The following FGD6 variants were observed in gnomAD, a reference collection of about 807,000 sequenced individuals.
The protein encoded by FGD6 is FYVE, RhoGEF and PH domain-containing protein 6.
A neutral mutation model predicts 149.4 loss-of-function variants in FGD6; 90 were observed. The observed-to-expected ratio is 0.60, with a 90% CI of 0.51 to 0.72. The LOEUF (loss-of-function observed/expected upper bound fraction) is 0.72, where lower values mean the gene tolerates loss of function less well. Ranked by LOEUF, FGD6 falls within the 30% of genes least tolerant of loss-of-function variation. The pLI is 0.00. For synonymous variants in FGD6, 527 were observed against 584.0 expected (o/e 0.90, Z 1.41); for missense variants, 1,437 against 1,684.8 (o/e 0.85, Z 2.57).
intron 3 of FGD6, among the ~76,000 whole-genome samples, chr12:95,157,305 G>A (rs763314561): frequency 2.2e-4 from 33 of 152,116 alleles, no homozygotes; most frequent in Non-Finnish European, 4.3e-4. Flanking sequence ...GGTGGCTGAC[G>A]CCTGTAATCC....
At chr12:95,214,973 A>G (rs2056746801) in intron 1 of FGD6, among the ~76,000 whole-genome samples, 2 of 146,040 alleles carry the variant, frequency 1.4e-5, no homozygotes, top group South Asian at 4.2e-4. Flanking sequence ...AGCAATTTTC[A>G]TATCAGCCTC....
chr12:95,189,285 A>G (rs1308420871), intron 2 of FGD6: 4 of 152,192 alleles, frequency 2.6e-5, no homozygotes, highest in Admixed American at 1.3e-4. Flanking sequence ...GAGCACACAA[A>G]AAATGTTTTT....
At chr12:95,168,413 C>T (rs924268652) in intron 3 of FGD6, among the ~76,000 whole-genome samples, 5 of 152,138 alleles carry the variant, frequency 3.3e-5, no homozygotes, top group African/African-American at 4.8e-5. Flanking sequence ...CCTGTAATCC[C>T]GGCACTTTGG....
At chr12:95,116,300 A>G (rs1879010606) in intron 8 of FGD6, among the ~76,000 whole-genome samples, 1 of 152,186 alleles carries the variant, frequency 6.6e-6, no homozygotes, top group African/African-American at 2.4e-5. Flanking sequence ...TCAAACCCTA[A>G]GCTACCTCAT....
At chr12:95,083,982 T>C (rs912968452) in intron 20 of FGD6, among the ~76,000 whole-genome samples, 7 of 152,238 alleles carry the variant, frequency 4.6e-5, no homozygotes, top group African/African-American at 1.4e-4. Context: ...GTTTCAGCCT[T>C]TGCCATCTAA....
chr12:95,147,235 G>A (rs1282894891), intron 5 of FGD6, among the ~76,000 whole-genome samples: 1 of 152,076 alleles, frequency 6.6e-6, no homozygotes, highest in Admixed American at 6.6e-5. Context: ...TAAAAGTAGA[G>A]GTGGGAAAGT....
intron 15 of FGD6, 27 bp from the exon 16 acceptor site, chr12:95,092,872 A>G (rs1272468085): frequency 6.3e-7 from 1 of 1,583,294 alleles, no homozygotes; most frequent in Non-Finnish European, 8.6e-7. Flanking sequence ...ACTTCTGATT[A>G]TCTCCATGCA....
chr12:95,192,334 G>A (rs1232738109), intron 2 of FGD6, among the ~76,000 whole-genome samples: 4 of 152,162 alleles, frequency 2.6e-5, no homozygotes, highest in African/African-American at 4.8e-5. Flanking sequence ...TGCAACAGTA[G>A]AAGACCAAGG....
intron 8 of FGD6, among the ~76,000 whole-genome samples, chr12:95,123,357 T>C (rs2136249920): frequency 6.6e-6 from 1 of 152,194 alleles, no homozygotes. Context: ...AGCCCTGATC[T>C]ATCCTAGACT....
intron 8 of FGD6, among the ~76,000 whole-genome samples, chr12:95,123,812 T>C (rs1439347788): frequency 6.6e-6 from 1 of 152,182 alleles, no homozygotes; most frequent in Non-Finnish European, 1.5e-5. Context: ...TCCACCCGCC[T>C]CGGCCTCCCA....
rs1877672969 is a variant in FGD6, at chr12:95,081,576, G to A, written c.4257-20C>T. ...ATCCACCTATTGATAAGAGAAATCG[G>A]TTAGATTTGTAAAACCTAATCATCT... On this transcript the variant is annotated intron_variant, in intron 20 of 20. Transcript: ENST00000343958. 1 of 1,588,732 alleles carries A rather than the reference G, an allele frequency of 6.3e-7. No homozygotes were observed. The highest frequency in any genetic ancestry group is 8.6e-7 in the Non-Finnish European group (1 of 1,164,866).
intron 2 of FGD6, 117 bp downstream of exon 2, chr12:95,208,726 T>C: frequency 8.1e-7 from 1 of 1,241,490 alleles, no homozygotes; most frequent in Admixed American, 2.8e-5. Flanking sequence ...TAATTACACA[T>C]TTTCTAAACT....
rs1565908836 is a variant in FGD6, at chr12:95,149,200, TA to T, written c.2685+3610del. Among the ~76,000 whole-genome samples, 2 of 3,808 alleles carry T rather than the reference TA, an allele frequency of 5.3e-4. 1 individual carries two copies. Among genetic ancestry groups the T allele is most frequent in the Non-Finnish European group, 6.4e-4 (2 of 3,120 alleles). The allele number at this position is 3,808 out of a possible 152,430, so 2.5% of individuals were successfully genotyped here. A position where few individuals can be genotyped will look rare whatever the true frequency, so the allele number is the denominator to read the frequency against. ...TATATTATATAATATATAGCATATATAATATTATATATTATATAATATATAG... is the reference window on the plus strand; with the variant it reads ...TATATTATATAATATATAGCATATATATATTATATATTATATAATATATAG... On this transcript the variant is annotated intron_variant, in intron 5 of 20. Coordinates refer to ENST00000343958, the MANE Select transcript of FGD6 (RefSeq NM_018351.4).
At chr12:95,116,568 T>C (rs1879020990) in intron 8 of FGD6, among the ~76,000 whole-genome samples, 1 of 152,198 alleles carries the variant, frequency 6.6e-6, no homozygotes, top group African/African-American at 2.4e-5. Context: ...TGCATTTTCT[T>C]TGCTTGTACT....
intron 17 of FGD6, among the ~76,000 whole-genome samples, 168 bp downstream of exon 17, chr12:95,091,539 C>G (rs1230560194): frequency 1.3e-5 from 2 of 152,188 alleles, no homozygotes; most frequent in African/African-American, 4.8e-5. Context: ...TCAGCCCAAC[C>G]TCTCCCAGAA....
intron 3 of FGD6, among the ~76,000 whole-genome samples, chr12:95,163,381 T>C (rs1880703158): frequency 6.6e-6 from 1 of 152,170 alleles, no homozygotes; most frequent in Admixed American, 6.5e-5. Flanking sequence ...TCCCTTGACA[T>C]TCTTTCCCTC....
At chr12:95,158,328 CG>C (rs1460158066) in intron 3 of FGD6, among the ~76,000 whole-genome samples, 51 of 150,578 alleles carry the variant, frequency 3.4e-4, no homozygotes, top group Non-Finnish European at 2.1e-4. Context: ...CCACCATGCA[CG>C]GCTAATTTTT....
chr12:95,133,065 TA>T (rs969897919), intron 8 of FGD6, among the ~76,000 whole-genome samples: 7 of 152,210 alleles, frequency 4.6e-5, no homozygotes. Context: ...ATCCTTAAAT[TA>T]TTCAGTTGGC....
Position 95,079,971 on chromosome 12 carries a change from G to A in FGD6, c.*1549C>T, listed in dbSNP as rs1173612713. ...ATTTTTTTTTTTTTTTTTTTTTTGA[G>A]ATGGAGTCTCGCTCTGTCATCCCAG... On this transcript the variant is annotated 3_prime_UTR_variant, in exon 21 of 21. Transcript: ENST00000343958. The A allele has an allele frequency of 1.7e-5, 2 of 118,258 alleles. No individual in the cohort carries two copies. Among genetic ancestry groups the A allele is most frequent in the South Asian group, 2.7e-4 (1 of 3,712 alleles). The allele number at this position is 118,258 out of a possible 1,614,324, so 7.3% of individuals were successfully genotyped here.
Sources: gnomAD v4.1 joint callset for allele counts (sites outside exome capture counted in the v4.1 genomes callset) on GRCh38, gnomAD v4.1.1 for gene constraint, MANE v1.5 for transcripts, NCBI Gene and HGNC (gene_info 2026-07-23, HGNC 2026-07-21) for gene names.